Variants in KDM2A observed in about 807,000 individuals in gnomAD.
The protein encoded by KDM2A is lysine demethylase 2A.
In KDM2A, 3 loss-of-function variants were observed where a neutral mutation model predicts 137.3. The ratio of observed to expected loss-of-function variants is 0.02; its 90% CI spans 0.01 to 0.06. KDM2A has a LOEUF of 0.06. KDM2A is among the 10% of genes least tolerant of loss of function. KDM2A has a pLI of 1.00. For missense variants in KDM2A, 738 were observed against 1,510.6 expected (o/e 0.49, Z 8.48); for synonymous variants, 512 against 541.5 (o/e 0.95, Z 0.76).
At chr11:67,196,532 T>G (rs183337991) in intron 5 of KDM2A, 3 of 452,904 alleles carry the variant, frequency 6.6e-6, no homozygotes, top group Admixed American at 2.4e-5. Context: ...TTCACTGGAT[T>G]ATTATTTAGC....
At chr11:67,192,110 G>A (rs753716609) in intron 5 of KDM2A, among the ~76,000 whole-genome samples, 2 of 152,098 alleles carry the variant, frequency 1.3e-5, no homozygotes, top group African/African-American at 2.4e-5. Flanking sequence ...TTAACCTTTT[G>A]CCATATTTAC....
chr11:67,252,222 G>A (rs1859450281), intron 17 of KDM2A: 2 of 175,676 alleles, frequency 1.1e-5, no homozygotes, highest in African/African-American at 4.8e-5. Context: ...AATTGTGGAT[G>A]TGCTGAGTAG....
At chr11:67,224,319 G>A (rs1285812161) in intron 10 of KDM2A, among the ~76,000 whole-genome samples, 1 of 152,132 alleles carries the variant, frequency 6.6e-6, no homozygotes, top group Non-Finnish European at 1.5e-5. Flanking sequence ...AAAGAAAGCT[G>A]TATGGCCAGA....
rs532177951 is a variant in KDM2A, at chr11:67,238,199, A to G, written c.1480-4810A>G. On this transcript the variant is annotated intron_variant, in intron 12 of 20. Transcript: ENST00000529006. Reference sequence around the variant, plus strand: ...ATTCTCAATTAGCAGGAGGGGGTAAAGTTAGGCCTTGTTTAATTTGTGATT... The same window carrying G: ...ATTCTCAATTAGCAGGAGGGGGTAAGGTTAGGCCTTGTTTAATTTGTGATT... Among the ~76,000 whole-genome samples, 3 of 152,222 alleles carry G rather than the reference A, an allele frequency of 2.0e-5. No homozygotes were observed. In the East Asian group the frequency reaches 5.8e-4, roughly 29 times the overall value.
At chr11:67,146,203 C>G (rs1856243561) in intron 2 of KDM2A, among the ~76,000 whole-genome samples, 1 of 151,892 alleles carries the variant, frequency 6.6e-6, no homozygotes. Context: ...CCATGTTGGC[C>G]AGGATGGTCT....
chr11:67,253,292 T>C (rs894955771), intron 18 of KDM2A, among the ~76,000 whole-genome samples, 161 bp from the exon 19 acceptor site: 2 of 152,244 alleles, frequency 1.3e-5, no homozygotes, highest in Non-Finnish European at 2.9e-5. Flanking sequence ...GAAGATGTAG[T>C]ATAGGATACC....
chr11:67,229,714 A>G (rs1258302745), intron 11 of KDM2A, among the ~76,000 whole-genome samples: 1 of 149,852 alleles, frequency 6.7e-6, no homozygotes, highest in Non-Finnish European at 1.5e-5. Flanking sequence ...ACTAAAAAAT[A>G]CAGAAATTAG....
intron 6 of KDM2A, among the ~76,000 whole-genome samples, chr11:67,212,828 A>G (rs1366192468): frequency 1.3e-5 from 2 of 151,914 alleles, no homozygotes; most frequent in African/African-American, 2.4e-5. Context: ...TCCTCTCCCT[A>G]TTCAGACATG....
At chr11:67,252,974 C>T in intron 18 of KDM2A, 117 bp downstream of exon 18, 5 of 1,127,634 alleles carry the variant, frequency 4.4e-6, no homozygotes, top group Non-Finnish European at 6.2e-6. Flanking sequence ...GCAGCAGTCC[C>T]ATGCCATTGT....
intron 17 of KDM2A, among the ~76,000 whole-genome samples, chr11:67,251,093 G>A (rs1327336869): frequency 6.6e-6 from 1 of 152,126 alleles, no homozygotes; most frequent in Non-Finnish European, 1.5e-5. Context: ...GATAAAACTT[G>A]AGAGTCTTGC....
chr11:67,159,646 C>T (rs943331309), intron 2 of KDM2A, among the ~76,000 whole-genome samples: 9 of 152,118 alleles, frequency 5.9e-5, no homozygotes, highest in Admixed American at 2.6e-4. Flanking sequence ...AGTAAATAAT[C>T]TGTGGGGTGA....
chr11:67,185,932 C>A (rs1857194080), intron 5 of KDM2A, among the ~76,000 whole-genome samples: 1 of 151,826 alleles, frequency 6.6e-6, no homozygotes, highest in Admixed American at 6.6e-5. Context: ...AATTTCTGTT[C>A]ATCATAAATT....
chr11:67,215,259 T>C, intron 6 of KDM2A, 81 bp from the exon 7 acceptor site: 1 of 795,272 alleles, frequency 1.3e-6, no homozygotes, highest in Non-Finnish European at 2.0e-6. Flanking sequence ...TTTTAAGAAA[T>C]TCTGCTTTTC....
At chr11:67,240,046 C>T (rs895595976) in intron 12 of KDM2A, 4 of 1,307,026 alleles carry the variant, frequency 3.1e-6, no homozygotes, top group Admixed American at 7.0e-5. Context: ...TGCCATCTTC[C>T]GTTGCAAAGC....
Position 67,255,473 on chromosome 11 carries a change from A to G in KDM2A, c.*418A>G. The G allele has an allele frequency of 2.2e-6, 1 of 459,068 alleles. No individual in the cohort carries two copies. The highest frequency in any genetic ancestry group is 4.4e-6 in the Non-Finnish European group (1 of 228,670). The allele number at this position is 459,068 out of a possible 1,614,324, so 28.4% of individuals were successfully genotyped here. Reference sequence around the variant, plus strand: ...CAGGGAAGAAAACGGCCCTGTCTCCATGGCCAGGTTCTTGTGGTGTCCAGT... The same window carrying G: ...CAGGGAAGAAAACGGCCCTGTCTCCGTGGCCAGGTTCTTGTGGTGTCCAGT... On this transcript the variant is annotated 3_prime_UTR_variant, in exon 21 of 21. Coordinates refer to ENST00000529006, the MANE Select transcript of KDM2A (RefSeq NM_012308.3).
At chr11:67,191,233 G>A (rs1304538874) in intron 5 of KDM2A, among the ~76,000 whole-genome samples, 1 of 151,964 alleles carries the variant, frequency 6.6e-6, no homozygotes, top group East Asian at 1.9e-4. Flanking sequence ...CACCATGTTG[G>A]CCAGGATGGT....
chr11:67,150,168 C>T (rs1480466960), intron 2 of KDM2A, among the ~76,000 whole-genome samples: 1 of 152,192 alleles, frequency 6.6e-6, no homozygotes, highest in Non-Finnish European at 1.5e-5. Flanking sequence ...AAGTAAGAAA[C>T]AGCTACAGCT....
intron 5 of KDM2A, among the ~76,000 whole-genome samples, chr11:67,203,003 CAA>C (rs752108775): frequency 8.0e-4 from 84 of 104,718 alleles, no homozygotes; most frequent in Admixed American, 8.4e-4. Context: ...CGTCCGCCGC[CAA>C]AAAAAAAAAA....
chr11:67,235,801 G>C lies in KDM2A; in HGVS notation c.1479+3841G>C, dbSNP rs368651081. Among the ~76,000 whole-genome samples, 17 of 151,630 alleles carry C rather than the reference G, an allele frequency of 1.1e-4. No homozygotes were observed. In the East Asian group the frequency reaches 3.1e-3, roughly 28 times the overall value. ...ACTCCAGCTAATTTTTGTATTTTTAGTAGAGACGGGGTTTCACCATGTTGG... is the reference window on the plus strand; with the variant it reads ...ACTCCAGCTAATTTTTGTATTTTTACTAGAGACGGGGTTTCACCATGTTGG... On this transcript the variant is annotated intron_variant, in intron 12 of 20. Transcript: ENST00000529006.
Sources: gnomAD v4.1 joint callset for allele counts (sites outside exome capture counted in the v4.1 genomes callset) on GRCh38, gnomAD v4.1.1 for gene constraint, MANE v1.5 for transcripts, NCBI Gene and HGNC (gene_info 2026-07-23, HGNC 2026-07-21) for gene names.